SETBP1: variants seen among roughly 807,000 people sequenced by gnomAD.
SETBP1 encodes SET binding protein 1.
SETBP1 carries 9 observed loss-of-function variants against 101.0 expected under a neutral mutation model. That is an observed-to-expected ratio of 0.09 (90% confidence interval 0.05 to 0.16). The LOEUF (loss-of-function observed/expected upper bound fraction) is 0.16, where lower values mean the gene tolerates loss of function less well. Among genes scored for constraint, SETBP1 ranks in the 10% least tolerant of loss-of-function variants. The pLI is 1.00. For missense variants in SETBP1, 1,858 were observed against 2,033.8 expected, an observed-to-expected ratio of 0.91 and a Z score of 1.66; for synonymous variants, 818 against 788.5, an observed-to-expected ratio of 1.04 and a Z score of -0.63.
chr18:44,758,424 C>T (rs993084974), intron 2 of SETBP1, among the ~76,000 whole-genome samples: 1 of 151,692 alleles, frequency 6.6e-6, no homozygotes, highest in East Asian at 1.9e-4. Context: ...GCTCTGTTGC[C>T]CAGGCTGGAG....
intron 2 of SETBP1, among the ~76,000 whole-genome samples, chr18:44,764,236 G>A (rs1455681997): frequency 1.3e-5 from 2 of 152,172 alleles, no homozygotes; most frequent in African/African-American, 4.8e-5. Flanking sequence ...ACCAAAATCT[G>A]TCTCAAGCAC....
chr18:44,779,938 ACACACACGCACG>A (rs1246209930), intron 2 of SETBP1, among the ~76,000 whole-genome samples: 7 of 151,886 alleles, frequency 4.6e-5, no homozygotes, highest in Admixed American at 1.3e-4. Flanking sequence ...ACGCACGCAC[ACACACACGCACG>A]CACACACGCA....
intron 2 of SETBP1, among the ~76,000 whole-genome samples, chr18:44,856,254 C>G (rs572522601): frequency 1.3e-5 from 2 of 152,312 alleles, no homozygotes; most frequent in African/African-American, 4.8e-5. Context: ...AGTGCCACTT[C>G]CCCAAAGTGC....
At chr18:44,917,498 C>T (rs2070458887) in intron 3 of SETBP1, among the ~76,000 whole-genome samples, 1 of 152,132 alleles carries the variant, frequency 6.6e-6, no homozygotes, top group Non-Finnish European at 1.5e-5. Flanking sequence ...TAACCCAGGA[C>T]CAAGTTATAT....
Position 44,953,320 on chromosome 18 carries a change from A to T in SETBP1, c.3980A>T (p.Tyr1327Phe), listed in dbSNP as rs764089016. 1 of 1,613,842 alleles carries T rather than the reference A, an allele frequency of 6.2e-7. No individual in the cohort carries two copies. Among genetic ancestry groups the T allele is most frequent in the South Asian group, 1.1e-5 (1 of 91,072 alleles). The change falls in exon 4 of 6, where the codon TAT (tyrosine) becomes TTT (phenylalanine). Residue 1327 changes from tyrosine (Y) to phenylalanine (F), a missense_variant. Transcript: ENST00000649279. The stretch of plus-strand genomic sequence containing the variant: ...ATGAACCGCAAGGAGAGAAGTTCTT[A>T]TGACTCCTCCATGTCTCCAGGTAAG... Reference protein sequence around the residue: ...FKMNRKERSSYDSSMSPGMPS... With the variant: ...FKMNRKERSSFDSSMSPGMPS...
At chr18:44,761,385 A>G (rs1054678759) in intron 2 of SETBP1, among the ~76,000 whole-genome samples, 1 of 152,192 alleles carries the variant, frequency 6.6e-6, no homozygotes, top group Non-Finnish European at 1.5e-5. Flanking sequence ...TCTGACTATA[A>G]CTTTGTACCC....
At chr18:44,966,309 C>T (rs1166228709) in intron 4 of SETBP1, among the ~76,000 whole-genome samples, 1 of 152,092 alleles carries the variant, frequency 6.6e-6, no homozygotes, top group Non-Finnish European at 1.5e-5. Flanking sequence ...CCTCCTTATC[C>T]TATAGAAAAT....
intron 3 of SETBP1, among the ~76,000 whole-genome samples, chr18:44,896,985 C>T (rs1235437303): frequency 6.6e-6 from 1 of 152,186 alleles, no homozygotes; most frequent in African/African-American, 2.4e-5. Flanking sequence ...AAGGGTTGAT[C>T]GGAAATGTTT....
At chr18:44,843,024 G>T (rs1035153668) in intron 2 of SETBP1, among the ~76,000 whole-genome samples, 2 of 152,264 alleles carry the variant, frequency 1.3e-5, no homozygotes, top group African/African-American at 2.4e-5. Flanking sequence ...CAAAGAGACC[G>T]ATAGCAGCCA....
intron 2 of SETBP1, among the ~76,000 whole-genome samples, chr18:44,798,023 A>G (rs1464305162): frequency 6.6e-6 from 1 of 152,180 alleles, no homozygotes; most frequent in Non-Finnish European, 1.5e-5. Flanking sequence ...CTGTTCTACT[A>G]AAAGCATATA....
chr18:44,880,435 G>A (rs931705788), intron 3 of SETBP1, among the ~76,000 whole-genome samples: 3 of 152,158 alleles, frequency 2.0e-5, no homozygotes, highest in Admixed American at 6.6e-5. Context: ...TTGGCTTCCC[G>A]CCTTTGATAT....
chr18:44,939,293 C>CA (rs2071034006), intron 3 of SETBP1, among the ~76,000 whole-genome samples: 1 of 116,940 alleles, frequency 8.6e-6, no homozygotes, highest in Admixed American at 8.6e-5. Flanking sequence ...TGACACCTAT[C>CA]ATAATAGATT....
intron 2 of SETBP1, among the ~76,000 whole-genome samples, chr18:44,821,552 T>C (rs1300443710): frequency 1.3e-5 from 2 of 152,228 alleles, no homozygotes; most frequent in African/African-American, 2.4e-5. Flanking sequence ...TAGGCATCCT[T>C]CTAACAGAGT....
chr18:44,774,992 A>G (rs1422921247), intron 2 of SETBP1, among the ~76,000 whole-genome samples: 1 of 151,666 alleles, frequency 6.6e-6, no homozygotes, highest in Non-Finnish European at 1.5e-5. Flanking sequence ...AAAGGTTCCT[A>G]GAGGTAAATT....
intron 5 of SETBP1, among the ~76,000 whole-genome samples, chr18:45,041,050 T>C (rs902424650): frequency 1.3e-5 from 2 of 152,232 alleles, no homozygotes; most frequent in Non-Finnish European, 2.9e-5. Context: ...TGCTCTGTTT[T>C]ACATGTGAAG....
intron 3 of SETBP1, among the ~76,000 whole-genome samples, chr18:44,913,241 C>T (rs947382683): frequency 2.6e-5 from 4 of 152,204 alleles, no homozygotes; most frequent in African/African-American, 9.7e-5. Flanking sequence ...TCGGGCAAGA[C>T]AGAAGTTGAG....
chr18:44,885,518 G>A (rs2069621690), intron 3 of SETBP1, among the ~76,000 whole-genome samples: 1 of 151,952 alleles, frequency 6.6e-6, no homozygotes, highest in South Asian at 2.1e-4. Flanking sequence ...TTCAATATGT[G>A]CTGGATTCCC....
chr18:45,045,128 A>T (rs995058700), intron 5 of SETBP1, among the ~76,000 whole-genome samples: 4 of 152,124 alleles, frequency 2.6e-5, no homozygotes, highest in East Asian at 3.9e-4. Context: ...CTAAAAAAAA[A>T]AATAAAAAAA....
At chr18:44,925,912 A>T (rs913413428) in intron 3 of SETBP1, among the ~76,000 whole-genome samples, 17 of 152,306 alleles carry the variant, frequency 1.1e-4, no homozygotes, top group African/African-American at 4.1e-4. Flanking sequence ...TCATGCCACT[A>T]ATTAAGAGGT....
Sources: gnomAD v4.1 joint callset for allele counts (sites outside exome capture counted in the v4.1 genomes callset) on GRCh38, gnomAD v4.1.1 for gene constraint, MANE v1.5 for transcripts, NCBI Gene and HGNC (gene_info 2026-07-23, HGNC 2026-07-21) for gene names.